ERBIN: variants seen among roughly 807,000 people sequenced by gnomAD.
ERBIN encodes the protein erbb2 interacting protein, also known as densin-180-like protein.
Under a neutral mutation model 158.4 loss-of-function variants are expected in ERBIN, and 60 were observed. The observed-to-expected ratio is 0.38, with a 90% CI of 0.31 to 0.47. ERBIN has a LOEUF of 0.47. Ranked by LOEUF, ERBIN falls within the 20% of genes least tolerant of loss-of-function variation. The pLI is 0.99. For missense variants in ERBIN, 1,610 were observed against 1,648.0 expected, an observed-to-expected ratio of 0.98 and a Z score of 0.40; for synonymous variants, 594 against 557.2, an observed-to-expected ratio of 1.07 and a Z score of -0.93.
rs1034239249 is a variant in ERBIN, at chr5:66,080,479, A to T, written c.*1949A>T. ...ACTTATTGTATGTGTGTTGTAATCT[A>T]AAAAAAAAAAGAATGACAAACAGCT... On this transcript the variant is annotated 3_prime_UTR_variant, in exon 26 of 26. Coordinates refer to ENST00000284037, the MANE Select transcript of ERBIN (RefSeq NM_001253697.2). 1 of 126,408 alleles carries T rather than the reference A, an allele frequency of 7.9e-6. No homozygotes were observed. Among genetic ancestry groups the T allele is most frequent in the African/African-American group, 4.3e-5 (1 of 23,164 alleles). 7.8% of individuals were successfully genotyped at this position (126,408 alleles called of 1,614,324 possible).
At position 66,013,613 on chromosome 5, in the gene ERBIN, G is replaced by A; in HGVS notation, c.451G>A (p.Glu151Lys). The change falls in exon 6 of 26, where the codon GAG becomes AAG. Residue 151 changes from glutamate to lysine, a missense_variant. Physicochemically the swap from Glu to Lys is moderately conservative, Grantham distance 56. Around this residue, in one of 2 missense-constraint regions of ERBIN, gnomAD observed 596 missense variants for 711.9 expected, o/e 0.84. Coordinates refer to ENST00000284037, the MANE Select transcript of ERBIN (RefSeq NM_001253697.2). Reference sequence around the variant, plus strand: ...GTTGTATCTGAATGATGCTTTTCTTGAGTTCTTGCCAGCAAATTTTGGCAG... The same window carrying A: ...GTTGTATCTGAATGATGCTTTTCTTAAGTTCTTGCCAGCAAATTTTGGCAG... ...TQLYLNDAFL[E>K]FLPANFGRLT... 8.1e-6 allele frequency: 13 copies of A among 1,613,270 alleles called. No homozygotes were observed. The highest frequency in any genetic ancestry group is 1.1e-5 in the Non-Finnish European group (13 of 1,179,450).
At chr5:66,077,789 C>CACACACAT (rs1554070532) in intron 25 of ERBIN, among the ~76,000 whole-genome samples, 21 of 131,924 alleles carry the variant, frequency 1.6e-4, no homozygotes, top group Middle Eastern at 3.8e-3. Context: ...CACACACACA[C>CACACACAT]ACACATACAC....
chr5:66,051,530 G>A (rs1243003310), intron 20 of ERBIN, among the ~76,000 whole-genome samples: 2 of 152,088 alleles, frequency 1.3e-5, no homozygotes, highest in Non-Finnish European at 2.9e-5. Flanking sequence ...AAGAAATTTG[G>A]TTATCAGAGT....
At chr5:65,989,482 A>G (rs1012048024) in intron 2 of ERBIN, among the ~76,000 whole-genome samples, 1 of 152,152 alleles carries the variant, frequency 6.6e-6, no homozygotes, top group Non-Finnish European at 1.5e-5. Flanking sequence ...AACTCTATTT[A>G]GCTTCCTAGA....
chr5:66,077,797 C>A (rs984250038), intron 25 of ERBIN, among the ~76,000 whole-genome samples: 1 of 135,870 alleles, frequency 7.4e-6, no homozygotes, highest in Non-Finnish European at 1.6e-5. Flanking sequence ...CACACACATA[C>A]ACACACACAC....
chr5:66,022,251 A>G (rs1366439229), intron 8 of ERBIN, among the ~76,000 whole-genome samples: 3 of 152,100 alleles, frequency 2.0e-5, no homozygotes, highest in Non-Finnish European at 2.9e-5. Flanking sequence ...TCCTTTCTCA[A>G]TATTTGTTCT....
intron 1 of ERBIN, among the ~76,000 whole-genome samples, chr5:65,940,501 C>T (rs1397521157): frequency 7.5e-6 from 1 of 133,192 alleles, no homozygotes; most frequent in Non-Finnish European, 1.6e-5. Context: ...CCAGCCGCCC[C>T]GTCTGGGAGG....
rs560095095 is a variant in ERBIN, at chr5:66,006,512, G to A, written c.308-5537G>A. Reference sequence around the variant, plus strand: ...GGACTTCATGTCTAAAACACCAAAAGCAATGACAACAAAAGCCAAAATTGA... The same window carrying A: ...GGACTTCATGTCTAAAACACCAAAAACAATGACAACAAAAGCCAAAATTGA... On this transcript the variant is annotated intron_variant, in intron 4 of 25. Transcript: ENST00000284037. Among the ~76,000 whole-genome samples the A allele has an allele frequency of 2.1e-3, 313 of 152,150 alleles. 1 individual carries two copies. The highest frequency in any genetic ancestry group is 7.4e-3 in the African/African-American group (305 of 41,482).
chr5:66,076,311 C>T lies in ERBIN; in HGVS notation c.3964-5C>T, dbSNP rs1228832710. ...TAAGTTTCCTTTATTTTCATATTAA[C>T]TCAGATTCGAGTGAGGGTTGAAAAG... is the stretch of plus-strand genomic sequence containing the variant. On this transcript the variant is annotated splice_region_variant and splice_polypyrimidine_tract_variant and intron_variant, in intron 23 of 25. Transcript: ENST00000284037. 1.9e-6 allele frequency: 3 copies of T among 1,608,560 alleles called. No homozygotes were observed. Among genetic ancestry groups the T allele is most frequent in the African/African-American group, 1.3e-5 (1 of 74,550 alleles).
At chr5:65,977,576 G>A (rs1339881469) in intron 1 of ERBIN, among the ~76,000 whole-genome samples, 3 of 151,506 alleles carry the variant, frequency 2.0e-5, no homozygotes, top group African/African-American at 4.9e-5. Context: ...GGGCAGAGAC[G>A]CTCCTCACTT....
chr5:66,013,732 T>C (rs1265170181), intron 6 of ERBIN, 94 bp downstream of exon 6: 4 of 708,120 alleles, frequency 5.6e-6, no homozygotes, highest in Non-Finnish European at 9.6e-6. Flanking sequence ...CATTACAGTT[T>C]CATAGGCTCT....
chr5:66,072,420 A>G (rs1292143231), intron 22 of ERBIN, 129 bp downstream of exon 22: 12 of 879,726 alleles, frequency 1.4e-5, no homozygotes, highest in Non-Finnish European at 1.9e-5. Flanking sequence ...ATTAGTAAGG[A>G]TTTTTAAAAT....
intron 1 of ERBIN, among the ~76,000 whole-genome samples, chr5:65,946,337 C>A (rs897336595): frequency 3.9e-5 from 6 of 152,060 alleles, no homozygotes; most frequent in African/African-American, 1.2e-4. Context: ...GCACTCCAGC[C>A]TGGGTGACAG....
chr5:65,955,238 T>C (rs752953477), intron 1 of ERBIN, among the ~76,000 whole-genome samples: 17 of 152,208 alleles, frequency 1.1e-4, no homozygotes, highest in African/African-American at 4.1e-4. Flanking sequence ...TTTAGGAATT[T>C]TTGTGTCTAC....
intron 4 of ERBIN, among the ~76,000 whole-genome samples, chr5:66,003,923 C>CT (rs35063438): frequency 0.071 from 4,405 of 62,106 alleles, 134 homozygotes; most frequent in East Asian, 0.09. Flanking sequence ...GAGCAGCAGT[C>CT]TTTTTTTTTT....
chr5:66,058,521 C>T (rs1033350831), intron 21 of ERBIN, among the ~76,000 whole-genome samples: 1 of 150,852 alleles, frequency 6.6e-6, no homozygotes, highest in Non-Finnish European at 1.5e-5. Context: ...TTTTGCTGTG[C>T]AGAAGCTCTT....
chr5:66,048,957 G>A (rs537301658), intron 19 of ERBIN, among the ~76,000 whole-genome samples, 176 bp downstream of exon 19: 26 of 151,968 alleles, frequency 1.7e-4, no homozygotes, highest in Non-Finnish European at 3.1e-4. Context: ...GAAAGTCCTT[G>A]ATAGTCTTTT....
At chr5:65,968,905 CATAA>C (rs1328558562) in intron 1 of ERBIN, among the ~76,000 whole-genome samples, 20 of 152,254 alleles carry the variant, frequency 1.3e-4, no homozygotes, top group Admixed American at 8.5e-4. Flanking sequence ...TAGCTCAATT[CATAA>C]ATAAGTAGAT....
At chr5:66,029,097 T>G (rs1396565659) in intron 14 of ERBIN, among the ~76,000 whole-genome samples, 1 of 152,222 alleles carries the variant, frequency 6.6e-6, no homozygotes, top group African/African-American at 2.4e-5. Context: ...TATTGTGAAT[T>G]CTGCTGCAGT....
Sources: allele counts gnomAD v4.1 joint callset (sites outside exome capture counted in the v4.1 genomes callset), GRCh38; gene constraint gnomAD v4.1.1; regional missense constraint gnomAD v4.1.1; transcripts MANE v1.5; gene names NCBI Gene and HGNC (gene_info 2026-07-23, HGNC 2026-07-21).